ENOX1: variants seen among roughly 807,000 people sequenced by gnomAD.
ENOX1 encodes the protein ecto-NOX disulfide-thiol exchanger 1.
In ENOX1, 42 loss-of-function variants were observed where a neutral mutation model predicts 82.5. That is an observed-to-expected ratio of 0.51 (90% CI 0.40 to 0.66). ENOX1 has a LOEUF of 0.66. ENOX1 is among the 30% of genes least tolerant of loss of function. The pLI, the probability that ENOX1 is intolerant of heterozygous loss-of-function variation, is 0.00. For synonymous variants in ENOX1, 271 were observed against 282.2 expected, an observed-to-expected ratio of 0.96 and a Z score of 0.40; for missense variants, 608 against 811.6, an observed-to-expected ratio of 0.75 and a Z score of 3.05.
At chr13:43,545,170 G>A (rs913117960) in intron 2 of ENOX1, 4 of 152,136 alleles carry the variant, frequency 2.6e-5, no homozygotes, top group African/African-American at 9.7e-5. Flanking sequence ...CTATCTCAAA[G>A]GAATTTCAGA....
At chr13:43,294,406 G>T (rs9316006) in intron 12 of ENOX1, among the ~76,000 whole-genome samples, 6 of 152,208 alleles carry the variant, frequency 3.9e-5, no homozygotes, top group Non-Finnish European at 7.3e-5. Flanking sequence ...CTGCAAATTT[G>T]TGTGTAAATA....
chr13:43,564,226 T>C (rs893793301), intron 2 of ENOX1, among the ~76,000 whole-genome samples: 22 of 152,114 alleles, frequency 1.4e-4, no homozygotes, highest in African/African-American at 5.1e-4. Flanking sequence ...ATATTCCATG[T>C]TTATGGATTA....
chr13:43,657,940 A>G (rs982296419), intron 2 of ENOX1, among the ~76,000 whole-genome samples: 1 of 152,254 alleles, frequency 6.6e-6, no homozygotes, highest in African/African-American at 2.4e-5. Context: ...GAAAAAAGCT[A>G]AAACTATTAA....
chr13:43,272,541 C>T (rs951049731), intron 12 of ENOX1, among the ~76,000 whole-genome samples: 1 of 152,174 alleles, frequency 6.6e-6, no homozygotes, highest in African/African-American at 2.4e-5. Context: ...GATTCTTCAT[C>T]TTTGAAAAAT....
chr13:43,232,834 G>T (rs1400680006), intron 15 of ENOX1, among the ~76,000 whole-genome samples: 1 of 152,186 alleles, frequency 6.6e-6, no homozygotes, highest in Non-Finnish European at 1.5e-5. Flanking sequence ...AATCAGAGCT[G>T]CTGGGATTGA....
At chr13:43,770,957 GA>G (rs202062237) in intron 1 of ENOX1, among the ~76,000 whole-genome samples, 13 of 146,966 alleles carry the variant, frequency 8.8e-5, no homozygotes, top group East Asian at 2.0e-4. Context: ...TGTTCCAGGA[GA>G]AAAAAAAAAT....
At chr13:43,375,483 G>A (rs1248817097) in intron 5 of ENOX1, among the ~76,000 whole-genome samples, 1 of 152,164 alleles carries the variant, frequency 6.6e-6, no homozygotes, top group Non-Finnish European at 1.5e-5. Context: ...TAGGCAAGAC[G>A]CTGGGGGCAT....
intron 2 of ENOX1, among the ~76,000 whole-genome samples, chr13:43,534,897 T>G (rs542688638): frequency 9.8e-5 from 15 of 152,316 alleles, no homozygotes; most frequent in African/African-American, 3.6e-4. Context: ...AGAAATCCTG[T>G]CCCAGTCTGA....
At position 43,326,409 on chromosome 13, in the gene ENOX1, A is replaced by T. The variant is rs779992297; in HGVS notation, c.1143+10T>A. The T allele has an allele frequency of 3.7e-6, 6 of 1,611,392 alleles. No homozygotes were observed. Among genetic ancestry groups the T allele is most frequent in the Non-Finnish European group, 3.4e-6 (4 of 1,177,616 alleles). On this transcript the variant is annotated intron_variant, in intron 10 of 16. Coordinates refer to ENST00000690772, the MANE Select transcript of ENOX1 (RefSeq NM_001347969.2). ...GATGGTGGTTAAAAAGTAATAATAAAATCACCAACCTCAGAATGCTTTCGC... is the reference window on the plus strand; with the variant it reads ...GATGGTGGTTAAAAAGTAATAATAATATCACCAACCTCAGAATGCTTTCGC...
chr13:43,407,068 T>G (rs2053844150), intron 5 of ENOX1, among the ~76,000 whole-genome samples: 1 of 152,186 alleles, frequency 6.6e-6, no homozygotes, highest in African/African-American at 2.4e-5. Flanking sequence ...TTCCAGTTGA[T>G]GATTATAACT....
At chr13:43,604,322 C>T (rs1311934914) in intron 2 of ENOX1, among the ~76,000 whole-genome samples, 1 of 151,982 alleles carries the variant, frequency 6.6e-6, no homozygotes, top group Non-Finnish European at 1.5e-5. Flanking sequence ...AATTTTCTCC[C>T]ATTTTGTGGG....
intron 14 of ENOX1, among the ~76,000 whole-genome samples, chr13:43,255,143 T>C (rs1051070800): frequency 2.6e-5 from 4 of 152,114 alleles, no homozygotes; most frequent in African/African-American, 7.2e-5. Context: ...TGGTTTAACA[T>C]ATGCAAATAA....
intron 1 of ENOX1, among the ~76,000 whole-genome samples, chr13:43,672,441 T>G (rs572073268): frequency 2.3e-4 from 35 of 152,336 alleles, no homozygotes; most frequent in African/African-American, 7.9e-4. Context: ...AATAAACAAG[T>G]TTAACCATTT....
chr13:43,221,128 T>C (rs1171906752), intron 16 of ENOX1, among the ~76,000 whole-genome samples: 2 of 152,220 alleles, frequency 1.3e-5, no homozygotes, highest in African/African-American at 4.8e-5. Flanking sequence ...CCAGCCTCTG[T>C]GGCCACATTA....
chr13:43,753,332 T>C (rs1950420947), intron 1 of ENOX1, among the ~76,000 whole-genome samples: 1 of 152,224 alleles, frequency 6.6e-6, no homozygotes, highest in Admixed American at 6.5e-5. Flanking sequence ...TTAGGTCTTT[T>C]AAAATTTCTC....
intron 12 of ENOX1, among the ~76,000 whole-genome samples, chr13:43,289,529 T>G (rs12868778): frequency 0.16 from 24,757 of 152,166 alleles, 2,654 homozygotes; most frequent in East Asian, 0.6. Flanking sequence ...AGACAGAAGA[T>G]TGAAGCTGGA....
intron 2 of ENOX1, among the ~76,000 whole-genome samples, chr13:43,616,682 T>G (rs767065055): frequency 2.0e-5 from 3 of 152,200 alleles, no homozygotes; most frequent in Non-Finnish European, 4.4e-5. Flanking sequence ...TCTTTCCATG[T>G]TATCATTTAA....
intron 1 of ENOX1, among the ~76,000 whole-genome samples, chr13:43,702,778 C>T (rs907821406): frequency 6.6e-6 from 1 of 151,710 alleles, no homozygotes; most frequent in African/African-American, 2.4e-5. Flanking sequence ...TGGTGAAACC[C>T]CATCTCTACT....
At chr13:43,681,078 T>TG (rs1381886978) in intron 1 of ENOX1, among the ~76,000 whole-genome samples, 4 of 152,286 alleles carry the variant, frequency 2.6e-5, no homozygotes, top group Non-Finnish European at 5.9e-5. Context: ...AGGCCACACT[T>TG]GCTGCAGCCC....
Sources: allele counts gnomAD v4.1 joint callset (sites outside exome capture counted in the v4.1 genomes callset), GRCh38; gene constraint gnomAD v4.1.1; transcripts MANE v1.5; gene names NCBI Gene and HGNC (gene_info 2026-07-23, HGNC 2026-07-21).